PCED1B: variants seen among roughly 807,000 people sequenced by gnomAD.
The protein encoded by PCED1B is PC-esterase domain-containing protein 1B.
For missense variants in PCED1B, 573 were observed against 573.9 expected (o/e 1.00, Z 0.02); for synonymous variants, 251 against 246.1 (o/e 1.02, Z -0.19).
chr12:47,206,375 C>T (rs1170056259), intron 2 of PCED1B: 1 of 152,186 alleles, frequency 6.6e-6, no homozygotes, highest in Non-Finnish European at 1.5e-5. Context: ...TCAGCCTATG[C>T]CCAGGAATGA....
At chr12:47,096,933 C>G (rs1938504851) in intron 1 of PCED1B, among the ~76,000 whole-genome samples, 1 of 152,146 alleles carries the variant, frequency 6.6e-6, no homozygotes, top group Non-Finnish European at 1.5e-5. Context: ...GCTTTAGTAG[C>G]AAGATCAGGC....
At chr12:47,233,197 G>T (rs1469866764) in intron 3 of PCED1B, among the ~76,000 whole-genome samples, 2 of 150,664 alleles carry the variant, frequency 1.3e-5, no homozygotes, top group African/African-American at 4.9e-5. Context: ...GTGAGCTGCC[G>T]CGCCCACCAC....
intron 3 of PCED1B, among the ~76,000 whole-genome samples, chr12:47,228,144 C>T (rs1278163094): frequency 6.6e-6 from 1 of 151,646 alleles, no homozygotes; most frequent in African/African-American, 2.4e-5. Flanking sequence ...AAGCAATTCT[C>T]GTGCCTCAGC....
chr12:47,217,063 A>G (rs1943281262), intron 3 of PCED1B, among the ~76,000 whole-genome samples: 1 of 152,162 alleles, frequency 6.6e-6, no homozygotes, highest in Non-Finnish European at 1.5e-5. Flanking sequence ...TGGGCAGATT[A>G]CTCAATCTTT....
intron 2 of PCED1B, among the ~76,000 whole-genome samples, chr12:47,126,926 A>T: frequency 6.6e-6 from 1 of 151,880 alleles, no homozygotes; most frequent in African/African-American, 2.4e-5. Context: ...GGTTTATTCA[A>T]TGTAGTTGAT....
intron 2 of PCED1B, among the ~76,000 whole-genome samples, chr12:47,161,550 A>G (rs1941378863): frequency 6.6e-6 from 1 of 152,214 alleles, no homozygotes; most frequent in African/African-American, 2.4e-5. Context: ...ATAAAGAAAT[A>G]CCTGAGGTTG....
chr12:47,222,157 C>T (rs214706), intron 3 of PCED1B, among the ~76,000 whole-genome samples: 26,485 of 143,440 alleles, frequency 0.18, 2,558 homozygotes, highest in South Asian at 0.31. Flanking sequence ...TGGTGGCTCA[C>T]GCCTGTAATC....
chr12:47,215,552 C>T (rs374247974), intron 2 of PCED1B, among the ~76,000 whole-genome samples: 32 of 152,172 alleles, frequency 2.1e-4, no homozygotes, highest in African/African-American at 7.0e-4. Flanking sequence ...CAGCGCCAGA[C>T]GAACCATCTC....
At chr12:47,232,089 G>A (rs1943826148) in intron 3 of PCED1B, among the ~76,000 whole-genome samples, 1 of 152,198 alleles carries the variant, frequency 6.6e-6, no homozygotes, top group South Asian at 2.1e-4. Context: ...CCTATGTGGA[G>A]CATATAGTAG....
chr12:47,190,287 C>T lies in PCED1B; in HGVS notation c.-525-25935C>T, dbSNP rs80159420. Among the ~76,000 whole-genome samples, 1,155 of 152,302 alleles carry T rather than the reference C, an allele frequency of 7.6e-3. 11 individuals are homozygous for T. The highest frequency in any genetic ancestry group is 0.026 in the African/African-American group (1,094 of 41,564). ...ATAAATGGGAGCAAGTGAAAGCCTG[C>T]CCCATTGTGGCCCCAGTTCTGGGCT... On this transcript the variant is annotated intron_variant, in intron 2 of 3. Transcript: ENST00000546455.
chr12:47,087,451 G>T (rs1276774294), intron 1 of PCED1B, among the ~76,000 whole-genome samples: 1 of 152,020 alleles, frequency 6.6e-6, no homozygotes, highest in East Asian at 1.9e-4. Flanking sequence ...TCCCATTTAG[G>T]GAGTAGCAAG....
At chr12:47,103,771 C>T (rs867757271) in intron 1 of PCED1B, among the ~76,000 whole-genome samples, 33 of 152,282 alleles carry the variant, frequency 2.2e-4, no homozygotes, top group African/African-American at 7.5e-4. Flanking sequence ...CCTTTCTCCA[C>T]CCAAGCTCAA....
At chr12:47,176,082 T>C (rs1941915436) in intron 2 of PCED1B, among the ~76,000 whole-genome samples, 1 of 151,924 alleles carries the variant, frequency 6.6e-6, no homozygotes, top group South Asian at 2.1e-4. Flanking sequence ...ATATTATTGC[T>C]CAATATTTTC....
At chr12:47,157,526 A>T (rs899940578) in intron 2 of PCED1B, among the ~76,000 whole-genome samples, 1 of 152,202 alleles carries the variant, frequency 6.6e-6, no homozygotes, top group Non-Finnish European at 1.5e-5. Flanking sequence ...GTGAGCCATG[A>T]TAAAGCCACT....
chr12:47,234,967 G>A, intron 3 of PCED1B, 40 bp from the exon 4 acceptor site: 2 of 1,202,432 alleles, frequency 1.7e-6, no homozygotes, highest in East Asian at 2.5e-5. Context: ...GCTCCGCCCA[G>A]AGGTGAGTCC....
chr12:47,165,085 G>A (rs1050520020), intron 2 of PCED1B, among the ~76,000 whole-genome samples: 4 of 152,142 alleles, frequency 2.6e-5, no homozygotes, highest in Admixed American at 6.5e-5. Context: ...TACCCTGGAG[G>A]GGCTCCTTTG....
intron 2 of PCED1B, among the ~76,000 whole-genome samples, chr12:47,133,301 A>G (rs1236113057): frequency 1.3e-5 from 2 of 152,196 alleles, no homozygotes; most frequent in East Asian, 3.9e-4. Flanking sequence ...CTCAGAGACT[A>G]AAGATAATTC....
chr12:47,153,355 C>CAAAAAAAAAAAA, intron 2 of PCED1B, among the ~76,000 whole-genome samples: 1 of 95,270 alleles, frequency 1.0e-5, no homozygotes. Flanking sequence ...GACTCCTTCT[C>CAAAAAAAAAAAA]AAAAAAAAAA....
intron 2 of PCED1B, among the ~76,000 whole-genome samples, chr12:47,172,036 A>T (rs2137556493): frequency 6.6e-6 from 1 of 152,284 alleles, no homozygotes; most frequent in Middle Eastern, 3.4e-3. Flanking sequence ...TTACCAGAAT[A>T]TGTCTAAGTG....
Sources: allele counts gnomAD v4.1 joint callset (sites outside exome capture counted in the v4.1 genomes callset), GRCh38; gene constraint gnomAD v4.1.1; transcripts MANE v1.5; gene names NCBI Gene and HGNC (gene_info 2026-07-23, HGNC 2026-07-21).